RGS7BP: variants seen among roughly 807,000 people sequenced by gnomAD.
The protein encoded by RGS7BP is regulator of G protein signaling 7 binding protein, also known as regulator of G protein signaling 7-binding protein.
In RGS7BP, 9 loss-of-function variants were observed where a neutral mutation model predicts 31.3. That is an observed-to-expected ratio of 0.29 (90% confidence interval 0.17 to 0.50). RGS7BP has a LOEUF of 0.50. RGS7BP is among the 20% of genes least tolerant of loss of function. RGS7BP has a pLI of 0.98. For synonymous variants in RGS7BP, 115 were observed against 120.1 expected (o/e 0.96, Z 0.28); for missense variants, 274 against 322.0 (o/e 0.85, Z 1.14).
rs1743513227 is a variant in RGS7BP at position 64,611,869 on chromosome 5, G to A, written c.*2617G>A. Reference sequence around the variant, plus strand: ...TCTCACCTACCAAAGGATTTTCTCAGGTGTGGTTCCAAGCGATAAAGTTCT... The same window carrying A: ...TCTCACCTACCAAAGGATTTTCTCAAGTGTGGTTCCAAGCGATAAAGTTCT... On this transcript the variant is annotated 3_prime_UTR_variant, in exon 6 of 6. Coordinates refer to ENST00000334025, the MANE Select transcript of RGS7BP (RefSeq NM_001029875.3). The A allele has an allele frequency of 6.6e-6, 1 of 151,896 alleles. No homozygotes were observed. The highest frequency in any genetic ancestry group is 1.5e-5 in the Non-Finnish European group (1 of 67,898). 9.4% of individuals were successfully genotyped at this position (151,896 alleles called of 1,614,324 possible).
intron 3 of RGS7BP, among the ~76,000 whole-genome samples, chr5:64,579,339 T>A (rs1162012358): frequency 6.8e-6 from 1 of 148,074 alleles, no homozygotes; most frequent in East Asian, 2.0e-4. Context: ...AGGTCAGGAG[T>A]TCAAGACCAG....
intron 3 of RGS7BP, among the ~76,000 whole-genome samples, chr5:64,582,275 G>C (rs1742620664): frequency 6.6e-6 from 1 of 152,206 alleles, no homozygotes; most frequent in Admixed American, 6.5e-5. Flanking sequence ...GTGGAGCCAG[G>C]TTTCCAAGGG....
chr5:64,562,808 C>G (rs192288651), intron 2 of RGS7BP, among the ~76,000 whole-genome samples: 4 of 152,118 alleles, frequency 2.6e-5, no homozygotes, highest in African/African-American at 4.8e-5. Flanking sequence ...ATCTTCCACA[C>G]CGTCAGCCTT....
At chr5:64,608,056 A>G (rs1258234578) in intron 5 of RGS7BP, among the ~76,000 whole-genome samples, 2 of 152,062 alleles carry the variant, frequency 1.3e-5, no homozygotes, top group Admixed American at 6.6e-5. Context: ...GGACAGGGAA[A>G]GGAGGGAACT....
At chr5:64,552,663 G>A (rs942799641) in intron 2 of RGS7BP, among the ~76,000 whole-genome samples, 1 of 152,160 alleles carries the variant, frequency 6.6e-6, no homozygotes, top group African/African-American at 2.4e-5. Context: ...AATTTAGATT[G>A]TGGCTTTCTG....
chr5:64,597,850 T>C (rs554131235), intron 4 of RGS7BP, among the ~76,000 whole-genome samples: 2 of 152,226 alleles, frequency 1.3e-5, no homozygotes, highest in East Asian at 3.9e-4. Flanking sequence ...CTATGCAATA[T>C]GTCAAAGTAA....
At chr5:64,590,457 G>A (rs1479608551) in intron 3 of RGS7BP, among the ~76,000 whole-genome samples, 1 of 151,958 alleles carries the variant, frequency 6.6e-6, no homozygotes, top group Admixed American at 6.6e-5. Flanking sequence ...ACAGTTCCAA[G>A]AGAAAACTGC....
In RGS7BP at chr5:64,606,035, T is replaced by TAGAG. The variant is rs1260387955; in HGVS notation, c.683-3125_683-3124insGAGA. Among the ~76,000 whole-genome samples the TAGAG allele has an allele frequency of 1.3e-4, 16 of 122,036 alleles. 1 individual carries two copies. Among genetic ancestry groups the TAGAG allele is most frequent in the African/African-American group, 4.1e-4 (14 of 34,546 alleles). The allele number at this position is 122,036 out of a possible 152,430, so 80.1% of individuals were successfully genotyped here. ...ATATCTGGATACATATATATATATA[T>TAGAG]ATATAGAGAGAGAGAGAGAGAGAGA... is the stretch of plus-strand genomic sequence containing the variant. On this transcript the variant is annotated intron_variant, in intron 5 of 5. Transcript: ENST00000334025.
chr5:64,579,721 A>T (rs907900463), intron 3 of RGS7BP, among the ~76,000 whole-genome samples: 7 of 152,236 alleles, frequency 4.6e-5, no homozygotes, highest in African/African-American at 1.7e-4. Flanking sequence ...TTGTGGAATG[A>T]CAAATAAAAT....
chr5:64,519,195 C>G (rs1749046741), intron 2 of RGS7BP, among the ~76,000 whole-genome samples: 1 of 152,162 alleles, frequency 6.6e-6, no homozygotes, highest in South Asian at 2.1e-4. Context: ...GGGTGCTGGA[C>G]TGGGAGAAAG....
At chr5:64,594,329 G>A (rs1245757027) in intron 3 of RGS7BP, among the ~76,000 whole-genome samples, 1 of 152,056 alleles carries the variant, frequency 6.6e-6, no homozygotes, top group African/African-American at 2.4e-5. Context: ...CCTTTTACCT[G>A]CTCCTGCATC....
intron 5 of RGS7BP, among the ~76,000 whole-genome samples, chr5:64,601,211 C>G (rs961143235): frequency 2.7e-4 from 41 of 151,952 alleles, no homozygotes; most frequent in Non-Finnish European, 2.9e-4. Flanking sequence ...TTCATGGGTC[C>G]TCAAATCAGA....
At chr5:64,528,741 G>A (rs1286408802) in intron 2 of RGS7BP, among the ~76,000 whole-genome samples, 2 of 149,152 alleles carry the variant, frequency 1.3e-5, no homozygotes, top group African/African-American at 4.9e-5. Flanking sequence ...AACCCGGGAG[G>A]CAGAAGTTGC....
chr5:64,602,715 GAC>G (rs372239684), intron 5 of RGS7BP, among the ~76,000 whole-genome samples: 408 of 151,860 alleles, frequency 2.7e-3, no homozygotes, highest in African/African-American at 9.7e-3. Flanking sequence ...TACATATGCA[GAC>G]ACACACACAC....
intron 2 of RGS7BP, among the ~76,000 whole-genome samples, chr5:64,570,400 T>C (rs534576467): frequency 2.6e-5 from 4 of 152,300 alleles, no homozygotes; most frequent in Admixed American, 2.6e-4. Flanking sequence ...AAGATTGCAA[T>C]TCTAAGGAGC....
At chr5:64,523,609 T>C (rs547555210) in intron 2 of RGS7BP, among the ~76,000 whole-genome samples, 21 of 152,356 alleles carry the variant, frequency 1.4e-4, no homozygotes, top group Non-Finnish European at 2.8e-4. Context: ...TCTTTGCTGC[T>C]TTCAGAATGG....
At chr5:64,543,606 G>A (rs1457015744) in intron 2 of RGS7BP, among the ~76,000 whole-genome samples, 4 of 152,238 alleles carry the variant, frequency 2.6e-5, no homozygotes, top group Non-Finnish European at 5.9e-5. Flanking sequence ...TTAGGGGCAG[G>A]GGACAGATAT....
chr5:64,594,780 A>G lies in RGS7BP; in HGVS notation c.534A>G (p.Leu178=), dbSNP rs1248114973. The change falls in exon 4 of 6, where the codon CTA becomes CTG. Residue 178 remains leucine, a synonymous_variant. Coordinates refer to ENST00000334025, the MANE Select transcript of RGS7BP (RefSeq NM_001029875.3). ...AGGAGAGTGCTGAAACACCTGCCCTAGAAGACTCCTCATCATCCCCCGTAG... is the reference window on the plus strand; with the variant it reads ...AGGAGAGTGCTGAAACACCTGCCCTGGAAGACTCCTCATCATCCCCCGTAG... ...KIEESAETPA[L]EDSSSSPVDS... 3 of 1,613,748 alleles carry G rather than the reference A, an allele frequency of 1.9e-6. No homozygotes were observed. In the Admixed American group the frequency reaches 5.0e-5, roughly 27 times the overall value.
intron 2 of RGS7BP, among the ~76,000 whole-genome samples, chr5:64,557,013 T>G (rs927678057): frequency 6.6e-5 from 10 of 152,210 alleles, no homozygotes; most frequent in Non-Finnish European, 1.3e-4. Context: ...ATTCATATTT[T>G]GGAAATGTAA....
Sources: gnomAD v4.1 joint callset for allele counts (sites outside exome capture counted in the v4.1 genomes callset) on GRCh38, gnomAD v4.1.1 for gene constraint, MANE v1.5 for transcripts, NCBI Gene and HGNC (gene_info 2026-07-23, HGNC 2026-07-21) for gene names.